The following MKRN2 variants were observed in gnomAD, a reference collection of about 807,000 sequenced individuals.
MKRN2 encodes makorin ring finger protein 2, also known as E3 ubiquitin-protein ligase makorin-2.
Under a neutral mutation model 45.4 loss-of-function variants are expected in MKRN2, and 32 were observed. The ratio of observed to expected loss-of-function variants is 0.70; its 90% confidence interval spans 0.53 to 0.95. MKRN2 has a LOEUF of 0.95. Ranked by LOEUF, MKRN2 falls within the 40% of genes least tolerant of loss-of-function variation. The pLI is 0.00. For synonymous variants in MKRN2, 206 were observed against 192.4 expected (o/e 1.07, Z -0.59); for missense variants, 526 against 536.7 (o/e 0.98, Z 0.20).
rs1383331392 is a variant in MKRN2, at chr3:12,581,797, C to T, written c.969-11C>T. 2 of 1,613,134 alleles carry T rather than the reference C, an allele frequency of 1.2e-6. No individual in the cohort carries two copies. Among genetic ancestry groups the T allele is most frequent in the Non-Finnish European group, 1.7e-6 (2 of 1,179,720 alleles). On this transcript the variant is annotated splice_polypyrimidine_tract_variant and intron_variant, in intron 6 of 7. Transcript: ENST00000170447. ...CCACCAGCCTCTTGACTTTTTCTTT[C>T]TGCTTTTCAGGAAAAAAGCCTGTAA...
At chr3:12,565,079 G>A (rs1463518614) in intron 1 of MKRN2, among the ~76,000 whole-genome samples, 10 of 152,136 alleles carry the variant, frequency 6.6e-5, no homozygotes, top group Admixed American at 6.6e-4. Flanking sequence ...GTGCTGCTTT[G>A]GACATTCATG....
chr3:12,572,837 G>A (rs1474864928), intron 4 of MKRN2, among the ~76,000 whole-genome samples: 1 of 152,140 alleles, frequency 6.6e-6, no homozygotes, highest in Non-Finnish European at 1.5e-5. Context: ...CGCCTGCCTT[G>A]GCCTCCCAAA....
intron 1 of MKRN2, among the ~76,000 whole-genome samples, chr3:12,563,862 G>A (rs995186162): frequency 7.5e-5 from 2 of 26,700 alleles, no homozygotes; most frequent in South Asian, 3.0e-3. Flanking sequence ...ATTAGCGCAC[G>A]CTTGAGTTGC....
intron 1 of MKRN2, among the ~76,000 whole-genome samples, chr3:12,567,056 C>A (rs149869153): frequency 8.0e-4 from 122 of 152,008 alleles, no homozygotes; most frequent in Middle Eastern, 3.4e-3. Flanking sequence ...TATTTTTCTC[C>A]TGGTTATAGG....
At chr3:12,563,708 T>C in intron 1 of MKRN2, among the ~76,000 whole-genome samples, 1 of 54,026 alleles carries the variant, frequency 1.9e-5, no homozygotes, top group Non-Finnish European at 3.4e-5. Flanking sequence ...CAGGCTGGTC[T>C]TGAACTCCTG....
chr3:12,570,152 C>G lies in MKRN2; in HGVS notation c.237C>G (p.His79Gln), dbSNP rs746670442. The part of the protein sequence containing the change: ...MAHSVPSPAF[H>Q]SPHPPSEVTA... ...ACAGTGTGCCCTCCCCAGCTTTCCA[C>G]AGTCCTCACCCTCCTTCCGAGGTCA... Residue 79 changes from histidine to glutamine, a missense_variant, in exon 3 of 8, where the codon CAC becomes CAG. Physicochemically the swap from His to Gln is conservative, Grantham distance 24. Coordinates refer to ENST00000170447, the MANE Select transcript of MKRN2 (RefSeq NM_014160.5). 1.5e-5 allele frequency: 25 copies of G among 1,614,176 alleles called. No individual in the cohort carries two copies. The highest frequency in any genetic ancestry group is 2.0e-5 in the Non-Finnish European group (24 of 1,180,034).
chr3:12,561,398 C>T (rs2058035523), intron 1 of MKRN2, among the ~76,000 whole-genome samples: 2 of 152,190 alleles, frequency 1.3e-5, no homozygotes, highest in Admixed American at 1.3e-4. Flanking sequence ...TTCTTGTCTG[C>T]CTTGTTAACA....
At chr3:12,569,213 G>A (rs1324238813) in intron 2 of MKRN2, among the ~76,000 whole-genome samples, 1 of 149,636 alleles carries the variant, frequency 6.7e-6, no homozygotes, top group East Asian at 1.9e-4. Context: ...CCAGGCTGGA[G>A]GGCAGTGGTG....
intron 1 of MKRN2, among the ~76,000 whole-genome samples, chr3:12,564,742 C>G (rs779458631): frequency 2.0e-5 from 3 of 152,198 alleles, no homozygotes; most frequent in Non-Finnish European, 4.4e-5. Flanking sequence ...TCTATCACCC[C>G]CAAAAGATCC....
At chr3:12,572,765 A>T (rs2058107560) in intron 4 of MKRN2, among the ~76,000 whole-genome samples, 1 of 151,332 alleles carries the variant, frequency 6.6e-6, no homozygotes. Flanking sequence ...TTGTATTTTT[A>T]GGAAAGATGG....
intron 1 of MKRN2, among the ~76,000 whole-genome samples, chr3:12,568,584 A>G (rs1166293369): frequency 6.6e-6 from 1 of 152,228 alleles, no homozygotes; most frequent in Non-Finnish European, 1.5e-5. Flanking sequence ...TGTTTTCTCA[A>G]TTATGTGGCT....
In MKRN2 at chr3:12,581,923, A is replaced by T. The variant is rs1575524955; in HGVS notation, c.1084A>T (p.Lys362Ter). 1 of 1,614,058 alleles carries T rather than the reference A, an allele frequency of 6.2e-7. No homozygotes were observed. The highest frequency in any genetic ancestry group is 1.7e-5 in the Admixed American group (1 of 59,998). The change falls in exon 7 of 8, where the codon AAA becomes TAA. Residue 362 changes from lysine to a stop codon, truncating the protein, a stop_gained. Coordinates refer to ENST00000170447, the MANE Select transcript of MKRN2 (RefSeq NM_014160.5). LOFTEE classifies it high-confidence loss of function. ...GCTAGCAGAGCCTGAGAAACCTCGG[A>T]AACAGCTCAGTTCTCAAGGCACTGT... Reference protein sequence around the residue: ...GRLAEPEKPRKQLSSQGTVRF... With the variant: ...GRLAEPEKPR
chr3:12,570,940 G>GTTTGAC (rs1161207915), intron 3 of MKRN2, among the ~76,000 whole-genome samples: 1 of 151,216 alleles, frequency 6.6e-6, no homozygotes. Flanking sequence ...ATGTTTCACT[G>GTTTGAC]TTTGACTTTT....
chr3:12,559,204 T>G (rs1028847010), intron 1 of MKRN2, among the ~76,000 whole-genome samples: 2 of 152,070 alleles, frequency 1.3e-5, no homozygotes, highest in African/African-American at 4.8e-5. Flanking sequence ...ACATAACAGG[T>G]GTTTTAAGTG....
chr3:12,571,114 T>TTTTGTTTGTTTG (rs59101458), intron 3 of MKRN2, among the ~76,000 whole-genome samples: 1 of 150,394 alleles, frequency 6.6e-6, no homozygotes, highest in African/African-American at 2.4e-5. Context: ...TTGTTGTGTT[T>TTTTGTTTGTTTG]TTTGTTTGTT....
chr3:12,566,430 C>T (rs2454427), intron 1 of MKRN2, among the ~76,000 whole-genome samples: 22,213 of 150,332 alleles, frequency 0.15, 2,021 homozygotes, highest in Non-Finnish European at 0.21. Flanking sequence ...ATCCATGCTC[C>T]TTGGTAGTCA....
chr3:12,574,974 G>T lies in MKRN2; in HGVS notation c.825G>T (p.Arg275=). Reference sequence around the variant, plus strand: ...GTTTGTCCTGCATCCGGCAGTGGCGGTGTGCCAAACAGTTTGAAAACCCAA... The same window carrying T: ...GTTTGTCCTGCATCCGGCAGTGGCGTTGTGCCAAACAGTTTGAAAACCCAA... ...TYCLSCIRQW[R]CAKQFENPII... is the part of the protein sequence containing the mutation. Residue 275 remains arginine (R), a synonymous_variant, in exon 5 of 8, where the codon CGG becomes CGT. Transcript: ENST00000170447. 1 of 1,614,252 alleles carries T rather than the reference G, an allele frequency of 6.2e-7. No individual in the cohort carries two copies. Among genetic ancestry groups the T allele is most frequent in the Non-Finnish European group, 8.5e-7 (1 of 1,180,046 alleles).
rs866941804 is a variant in MKRN2 at position 12,568,861 on chromosome 3, G to A, written c.27-14G>A. On this transcript the variant is annotated splice_polypyrimidine_tract_variant and intron_variant, in intron 1 of 7. Coordinates refer to ENST00000170447, the MANE Select transcript of MKRN2 (RefSeq NM_014160.5). ...GTGCTTCTAAAAGTTGTATGCCTGT[G>A]CTTGTCTCTGCAGGTATTTTATGCA... is the stretch of plus-strand genomic sequence containing the variant. The A allele has an allele frequency of 1.2e-6, 2 of 1,609,888 alleles. No homozygotes were observed. Among genetic ancestry groups the A allele is most frequent in the Middle Eastern group, 1.6e-4 (1 of 6,068 alleles).
At chr3:12,574,716 G>A in intron 4 of MKRN2, 76 bp from the exon 5 acceptor site, 1 of 1,331,244 alleles carries the variant, frequency 7.5e-7, no homozygotes, top group Non-Finnish European at 1.1e-6. Flanking sequence ...TGGCAGTGTG[G>A]CTGCAGCTAC....
Sources: allele counts gnomAD v4.1 joint callset (sites outside exome capture counted in the v4.1 genomes callset), GRCh38; gene constraint gnomAD v4.1.1; transcripts MANE v1.5; gene names NCBI Gene and HGNC (gene_info 2026-07-23, HGNC 2026-07-21).